NSUN3: variants seen among roughly 807,000 people sequenced by gnomAD.
The protein encoded by NSUN3 is NOP2/Sun RNA methyltransferase 3.
In NSUN3, 24 loss-of-function variants were observed where a neutral mutation model predicts 36.8. The ratio of observed to expected loss-of-function variants is 0.65; its 90% CI spans 0.47 to 0.92. NSUN3 has a LOEUF of 0.92. Ranked by LOEUF, NSUN3 falls within the 40% of genes least tolerant of loss-of-function variation. The probability of loss-of-function intolerance (pLI) is 0.00; values close to 1 mark genes in which losing one functional copy is unlikely to be tolerated. For missense variants in NSUN3, 381 were observed against 392.8 expected, an observed-to-expected ratio of 0.97 and a Z score of 0.25; for synonymous variants, 146 against 145.2, an observed-to-expected ratio of 1.01 and a Z score of -0.04.
chr3:94,064,922 C>G (rs563760421), intron 2 of NSUN3, among the ~76,000 whole-genome samples: 12 of 151,972 alleles, frequency 7.9e-5, no homozygotes, highest in Non-Finnish European at 1.8e-4. Flanking sequence ...ATCTTTAAAG[C>G]CAGCACTGCT....
chr3:94,069,659 G>C (rs6765621), intron 2 of NSUN3, among the ~76,000 whole-genome samples: 100,055 of 152,140 alleles, frequency 0.66, 34,938 homozygotes, highest in African/African-American at 0.92. Flanking sequence ...AAACATTATC[G>C]AAATGATACA....
At chr3:94,072,043 C>G (rs2077226532) in intron 2 of NSUN3, among the ~76,000 whole-genome samples, 1 of 152,094 alleles carries the variant, frequency 6.6e-6, no homozygotes. Flanking sequence ...TTTCTCAGGG[C>G]TAGGAAGCAC....
chr3:94,068,554 A>G (rs1261833361), intron 2 of NSUN3, among the ~76,000 whole-genome samples: 1 of 152,150 alleles, frequency 6.6e-6, no homozygotes, highest in Non-Finnish European at 1.5e-5. Flanking sequence ...GACTGTATAT[A>G]TCCTGCCCTC....
rs532625015 is a variant in NSUN3, at chr3:94,076,754, A to G, written c.123-7353A>G. ...ATCACTGGAAGGAGTCTTTGTTGTG[A>G]TAATACAAGGATTCTGGGGCATATA... is the stretch of plus-strand genomic sequence containing the variant. On this transcript the variant is annotated intron_variant, in intron 2 of 5. Coordinates refer to ENST00000314622, the MANE Select transcript of NSUN3 (RefSeq NM_022072.5). The G allele has an allele frequency of 9.5e-6, 14 of 1,478,552 alleles. No individual in the cohort carries two copies. The South Asian group carries it at 1.0e-4, about 11-fold the overall frequency. The allele number at this position is 1,478,552 out of a possible 1,614,324, so 91.6% of individuals were successfully genotyped here. A position where few individuals can be genotyped will look rare whatever the true frequency, so the allele number is the denominator to read the frequency against.
At chr3:94,126,059 C>CAA (rs879420714) in intron 5 of NSUN3, 152 bp from the exon 6 acceptor site, 598 of 502,394 alleles carry the variant, frequency 1.2e-3, no homozygotes, top group South Asian at 1.6e-3. Flanking sequence ...GACTCTGTCT[C>CAA]AAAAAAAAAA....
At chr3:94,107,437 C>A (rs1466042271) in intron 5 of NSUN3, among the ~76,000 whole-genome samples, 6 of 151,472 alleles carry the variant, frequency 4.0e-5, no homozygotes, top group African/African-American at 1.5e-4. Context: ...ACAGCATGTG[C>A]CACCACACCT....
intron 5 of NSUN3, among the ~76,000 whole-genome samples, chr3:94,115,661 G>T (rs1432416319): frequency 6.6e-6 from 1 of 152,140 alleles, no homozygotes; most frequent in South Asian, 2.1e-4. Flanking sequence ...TCTCGTTTCG[G>T]TCAAAAGATG....
chr3:94,104,112 G>GGA (rs2077376815), intron 5 of NSUN3, among the ~76,000 whole-genome samples: 2 of 152,140 alleles, frequency 1.3e-5, no homozygotes, highest in South Asian at 4.1e-4. Flanking sequence ...TATGGGGCAT[G>GGA]GCTTCCTAGA....
chr3:94,064,627 A>G, intron 2 of NSUN3, 81 bp downstream of exon 2: 1 of 840,218 alleles, frequency 1.2e-6, no homozygotes, highest in Non-Finnish European at 1.9e-6. Context: ...GGATGCTGTG[A>G]GGTTAAAAGG....
At chr3:94,107,073 G>A (rs1362435784) in intron 5 of NSUN3, among the ~76,000 whole-genome samples, 2 of 151,924 alleles carry the variant, frequency 1.3e-5, no homozygotes, top group African/African-American at 4.8e-5. Flanking sequence ...CTCCCAAGTA[G>A]TTTGAACAAT....
rs903887269 is a variant in NSUN3, at chr3:94,130,900, C to G, written c.*4410C>G. Among the ~76,000 whole-genome samples, 1 of 152,002 alleles carries G rather than the reference C, an allele frequency of 6.6e-6. No homozygotes were observed. The highest frequency in any genetic ancestry group is 6.6e-5 in the Admixed American group (1 of 15,260). ...CAGCAAAGTTTCATTTTCATTCAAC[C>G]CTTTTTTTTTCACTTTGAATCAAAT... On this transcript the variant is annotated 3_prime_UTR_variant, in exon 6 of 6. Transcript: ENST00000314622.
chr3:94,125,468 C>A (rs1465030087), intron 5 of NSUN3, among the ~76,000 whole-genome samples: 1 of 152,174 alleles, frequency 6.6e-6, no homozygotes, highest in African/African-American at 2.4e-5. Context: ...CCTTAGAAGT[C>A]TTCACAAATA....
In NSUN3 at chr3:94,064,598, GTCC is replaced by G. The variant is rs761685332; in HGVS notation, c.122+57_122+59del. On this transcript the variant is annotated intron_variant, in intron 2 of 5. Transcript: ENST00000314622. ...ATGATGGAACAAAGTACAATATGTA[GTCC>G]TCCTTTTTGTGGGAGGGATGCTGTG... is the stretch of plus-strand genomic sequence containing the variant. The G allele has an allele frequency of 6.2e-6, 7 of 1,138,182 alleles. No individual in the cohort carries two copies. The South Asian group carries it at 8.0e-5, about 13-fold the overall frequency. 70.5% of individuals were successfully genotyped at this position (1,138,182 alleles called of 1,614,324 possible).
chr3:94,113,026 G>A (rs567149106), intron 5 of NSUN3, among the ~76,000 whole-genome samples: 114 of 152,036 alleles, frequency 7.5e-4, no homozygotes, highest in African/African-American at 2.6e-3. Context: ...CACCATGCCC[G>A]GCTAATTTTT....
chr3:94,099,263 T>C (rs2107259086), intron 5 of NSUN3, among the ~76,000 whole-genome samples: 1 of 152,288 alleles, frequency 6.6e-6, no homozygotes, highest in South Asian at 2.1e-4. Context: ...TAAGCTTTTC[T>C]TAATATCGTA....
At position 94,094,774 on chromosome 3, in the gene NSUN3, G is replaced by A. The variant is rs548230671; in HGVS notation, c.622-259G>A. 7.9e-5 allele frequency among the ~76,000 whole-genome samples: 12 copies of A among 152,268 alleles called. No individual in the cohort carries two copies. The South Asian group carries it at 1.9e-3, about 24-fold the overall frequency. On this transcript the variant is annotated intron_variant, in intron 4 of 5. Coordinates refer to ENST00000314622, the MANE Select transcript of NSUN3 (RefSeq NM_022072.5). ...TTGTCAAGGATATCAAATAGCATTA[G>A]TAGACCTAGTAAACTTTAATTCTCC...
At position 94,107,425 on chromosome 3, in the gene NSUN3, C is replaced by T. The variant is rs112890076; in HGVS notation, c.743+12271C>T. The stretch of plus-strand genomic sequence containing the variant: ...GTCTCAGCTTTCTGAGTAGCTGGGA[C>T]CACAGCATGTGCCACCACACCTGGC... On this transcript the variant is annotated intron_variant, in intron 5 of 5. Transcript: ENST00000314622. 1.5e-3 allele frequency among the ~76,000 whole-genome samples: 224 copies of T among 151,726 alleles called. 1 individual carries two copies. The highest frequency in any genetic ancestry group is 6.0e-3 in the Admixed American group (92 of 15,216).
intron 5 of NSUN3, among the ~76,000 whole-genome samples, chr3:94,108,401 G>C (rs2077400310): frequency 6.6e-6 from 1 of 152,004 alleles, no homozygotes; most frequent in African/African-American, 2.4e-5. Context: ...TTGCTCTGTT[G>C]CCAGGCTGGA....
chr3:94,118,214 T>G (rs1455022151), intron 5 of NSUN3, among the ~76,000 whole-genome samples: 1 of 152,212 alleles, frequency 6.6e-6, no homozygotes, highest in Non-Finnish European at 1.5e-5. Context: ...ACCTTCAGAT[T>G]ATCTACAATT....
Sources: gnomAD v4.1 joint callset for allele counts (sites outside exome capture counted in the v4.1 genomes callset) on GRCh38, gnomAD v4.1.1 for gene constraint, MANE v1.5 for transcripts, NCBI Gene and HGNC (gene_info 2026-07-23, HGNC 2026-07-21) for gene names.